RAPGEF6: variants seen among roughly 807,000 people sequenced by gnomAD.
RAPGEF6 encodes PDZ domain containing guanine nucleotide exchange factor (GEF) 2.
RAPGEF6 carries 56 observed loss-of-function variants against 171.4 expected under a neutral mutation model. That is an observed-to-expected ratio of 0.33 (90% CI 0.26 to 0.41). RAPGEF6 has a LOEUF of 0.41. Among genes scored for constraint, RAPGEF6 ranks in the 10% least tolerant of loss-of-function variants. The pLI is 1.00. For synonymous variants in RAPGEF6, 692 were observed against 650.1 expected (o/e 1.06, Z -0.98); for missense variants, 1,674 against 1,921.4 (o/e 0.87, Z 2.41).
At chr5:131,496,846 T>C (rs1253140542) in intron 12 of RAPGEF6, among the ~76,000 whole-genome samples, 1 of 152,208 alleles carries the variant, frequency 6.6e-6, no homozygotes, top group East Asian at 1.9e-4. Flanking sequence ...CTGTTTTTAA[T>C]TCTCTGGGTA....
intron 7 of RAPGEF6, chr5:131,511,185 A>G (rs1757695216): frequency 6.6e-6 from 1 of 152,180 alleles, no homozygotes; most frequent in Non-Finnish European, 1.5e-5. Flanking sequence ...AAAATTTTTA[A>G]AAACCATATA....
At chr5:131,597,749 A>C (rs1763986757) in intron 3 of RAPGEF6, among the ~76,000 whole-genome samples, 1 of 152,206 alleles carries the variant, frequency 6.6e-6, no homozygotes, top group Non-Finnish European at 1.5e-5. Flanking sequence ...TAGTGGGTAC[A>C]AAGTTACAAC....
intron 6 of RAPGEF6, among the ~76,000 whole-genome samples, chr5:131,543,310 T>A (rs3776005): frequency 6.6e-6 from 1 of 151,920 alleles, no homozygotes; most frequent in Non-Finnish European, 1.5e-5. Flanking sequence ...TCAAATAAAC[T>A]GATTAAGTAG....
intron 11 of RAPGEF6, among the ~76,000 whole-genome samples, chr5:131,499,439 G>C (rs913359065): frequency 2.6e-5 from 4 of 151,894 alleles, no homozygotes; most frequent in Non-Finnish European, 4.4e-5. Flanking sequence ...AAATTGGCTG[G>C]GTGTGGTGGC....
Position 131,521,382 on chromosome 5 carries a change from G to C in RAPGEF6, c.627+8C>G, listed in dbSNP as rs543518767. 25 of 1,595,656 alleles carry C rather than the reference G, an allele frequency of 1.6e-5. No individual in the cohort carries two copies. The African/African-American group carries it at 3.2e-4, about 21-fold the overall frequency. ...ATATACGCAGCATACAAATTCCTAA[G>C]GTATTACCTGATAGATATCAGATAA... On this transcript the variant is annotated splice_region_variant and intron_variant, in intron 7 of 27. Coordinates refer to ENST00000509018, the MANE Select transcript of RAPGEF6 (RefSeq NM_016340.6).
At chr5:131,593,640 G>C (rs780096214) in intron 3 of RAPGEF6, among the ~76,000 whole-genome samples, 1 of 152,218 alleles carries the variant, frequency 6.6e-6, no homozygotes, top group Non-Finnish European at 1.5e-5. Flanking sequence ...ATCTCAGATG[G>C]AGATGAGGAA....
At chr5:131,521,307 T>G in intron 7 of RAPGEF6, 83 bp downstream of exon 7, 1 of 1,351,194 alleles carries the variant, frequency 7.4e-7, no homozygotes, top group East Asian at 2.5e-5. Context: ...CTAAAAGATA[T>G]GTTAACCATC....
intron 12 of RAPGEF6, 94 bp downstream of exon 12, chr5:131,498,349 T>C (rs1267590172): frequency 8.5e-7 from 1 of 1,176,136 alleles, no homozygotes; most frequent in Non-Finnish European, 1.2e-6. Flanking sequence ...TACTGAATCT[T>C]ATTATCATAA....
rs907992438 is a variant in RAPGEF6, at chr5:131,492,500, G to A, written c.1731+82C>T. On this transcript the variant is annotated intron_variant, in intron 14 of 27. Coordinates refer to ENST00000509018, the MANE Select transcript of RAPGEF6 (RefSeq NM_016340.6). ...AAAAATATTTCCTTAAACTGATCAT[G>A]CTTTCTGGAAGATGAGAACAAAAGC... 2.9e-6 allele frequency: 4 copies of A among 1,374,862 alleles called. No individual in the cohort carries two copies. In the African/African-American group the frequency reaches 4.3e-5, roughly 15 times the overall value. The allele number at this position is 1,374,862 out of a possible 1,614,324, so 85.2% of individuals were successfully genotyped here. A position where few individuals can be genotyped will look rare whatever the true frequency, so the allele number is the denominator to read the frequency against.
In RAPGEF6 at chr5:131,472,802, G is replaced by A. The variant is rs1346359665; in HGVS notation, c.2082-58C>T. 28 of 1,464,816 alleles carry A rather than the reference G, an allele frequency of 1.9e-5. No individual in the cohort carries two copies. In the South Asian group the frequency reaches 1.9e-4, roughly 10 times the overall value. The allele number at this position is 1,464,816 out of a possible 1,614,324, so 90.7% of individuals were successfully genotyped here. ...ATTTGAGAGTACTTAAGTAGTAAAC[G>A]TTTCTGTTCCCTGTGCACTAAGGCA... On this transcript the variant is annotated intron_variant, in intron 16 of 27. Transcript: ENST00000509018.
chr5:131,538,041 G>A (rs13163952), intron 6 of RAPGEF6, among the ~76,000 whole-genome samples: 187 of 152,246 alleles, frequency 1.2e-3, no homozygotes, highest in African/African-American at 4.1e-3. Context: ...GCAATGAGCT[G>A]TGATCATTCC....
At chr5:131,534,664 A>C (rs1759642984) in intron 6 of RAPGEF6, among the ~76,000 whole-genome samples, 1 of 148,226 alleles carries the variant, frequency 6.7e-6, no homozygotes, top group Non-Finnish European at 1.5e-5. Flanking sequence ...ATTCCACTTG[A>C]TACTTAATAT....
rs192488154 is a variant in RAPGEF6 at position 131,606,335 on chromosome 5, G to C, written c.70-1642C>G. Among the ~76,000 whole-genome samples the C allele has an allele frequency of 2.2e-5, 3 of 138,116 alleles. No homozygotes were observed. In the Admixed American group the frequency reaches 2.3e-4, roughly 11 times the overall value. 90.6% of individuals were successfully genotyped at this position (138,116 alleles called of 152,430 possible). A position where few individuals can be genotyped will look rare whatever the true frequency, so the allele number is the denominator to read the frequency against. On this transcript the variant is annotated intron_variant, in intron 1 of 27. Coordinates refer to ENST00000509018, the MANE Select transcript of RAPGEF6 (RefSeq NM_016340.6). ...GCCGAGATCGCACCACTGCACTCCA[G>C]TCTAGGCGATTGAGACTCCATCTCA...
chr5:131,459,633 G>A lies in RAPGEF6; in HGVS notation c.2864+2072C>T, dbSNP rs146100226. 2.6e-5 allele frequency among the ~76,000 whole-genome samples: 4 copies of A among 152,144 alleles called. No individual in the cohort carries two copies. In the East Asian group the frequency reaches 5.8e-4, roughly 22 times the overall value. ...CTGGAAATTTAGAAATATCCATAAT[G>A]TGCACTCCACAATACAAAGGAGTAC... is the stretch of plus-strand genomic sequence containing the variant. On this transcript the variant is annotated intron_variant, in intron 19 of 27. Transcript: ENST00000509018.
At chr5:131,546,400 C>T (rs1177646375) in intron 6 of RAPGEF6, among the ~76,000 whole-genome samples, 1 of 151,978 alleles carries the variant, frequency 6.6e-6, no homozygotes, top group Non-Finnish European at 1.5e-5. Context: ...GGCAGGAGAT[C>T]GAGACCATCC....
In RAPGEF6 at chr5:131,527,223, T is replaced by G. The variant is rs7723004; in HGVS notation, c.496-5702A>C. ...CAGAGACTCAGATATCCAAACTGTT[T>G]AGGTATTTTTGGCTCTGCCATCTCA... On this transcript the variant is annotated intron_variant, in intron 6 of 27. Coordinates refer to ENST00000509018, the MANE Select transcript of RAPGEF6 (RefSeq NM_016340.6). Among the ~76,000 whole-genome samples the G allele has an allele frequency of 4.4e-3, 670 of 152,236 alleles. 8 individuals are homozygous for G. Among genetic ancestry groups the G allele is most frequent in the African/African-American group, 0.015 (632 of 41,536 alleles).
At chr5:131,433,835 C>T (rs183801979) in intron 24 of RAPGEF6, among the ~76,000 whole-genome samples, 177 bp from the exon 25 acceptor site, 16 of 152,236 alleles carry the variant, frequency 1.1e-4, no homozygotes, top group Middle Eastern at 3.4e-3. Flanking sequence ...CATTCCCCTA[C>T]ATAACCATTT....
chr5:131,514,803 C>T (rs1757969856), intron 7 of RAPGEF6, among the ~76,000 whole-genome samples: 3 of 152,074 alleles, frequency 2.0e-5, no homozygotes, highest in African/African-American at 2.4e-5. Flanking sequence ...AAAGACACTC[C>T]GTATTCGTGA....
intron 24 of RAPGEF6, among the ~76,000 whole-genome samples, chr5:131,434,486 G>A (rs868044914): frequency 2.0e-5 from 3 of 152,120 alleles, no homozygotes; most frequent in South Asian, 2.1e-4. Flanking sequence ...CGATCCTCCC[G>A]CCTCAGCCTA....
Sources: allele counts gnomAD v4.1 joint callset (sites outside exome capture counted in the v4.1 genomes callset), GRCh38; gene constraint gnomAD v4.1.1; transcripts MANE v1.5; gene names NCBI Gene and HGNC (gene_info 2026-07-23, HGNC 2026-07-21).